The following SETD5 variants were observed in gnomAD, a reference collection of about 807,000 sequenced individuals.
SETD5 encodes histone-lysine N-methyltransferase SETD5.
SETD5 carries 44 observed loss-of-function variants against 153.3 expected under a neutral mutation model. The observed-to-expected ratio is 0.29, with a 90% CI of 0.23 to 0.37. The LOEUF is 0.37. Ranked by LOEUF, SETD5 falls within the 10% of genes least tolerant of loss-of-function variation. The probability of loss-of-function intolerance (pLI) is 1.00; values close to 1 mark genes in which losing one functional copy is unlikely to be tolerated. For synonymous variants in SETD5, 716 were observed against 645.2 expected (o/e 1.11, Z -1.66); for missense variants, 1,544 against 1,768.0 (o/e 0.87, Z 2.27).
At chr3:9,473,195 A>G (rs2045514935) in intron 19 of SETD5, 41 bp from the exon 20 acceptor site, 2 of 1,587,234 alleles carry the variant, frequency 1.3e-6, no homozygotes, top group Non-Finnish European at 8.6e-7. Context: ...TGATATCCAG[A>G]TAGAGTACCG....
intron 17 of SETD5, among the ~76,000 whole-genome samples, chr3:9,457,149 ATTCTT>A (rs2043355623): frequency 6.6e-6 from 1 of 152,180 alleles, no homozygotes; most frequent in Admixed American, 6.5e-5. Flanking sequence ...ATGTGGGTCT[ATTCTT>A]AGAAGAGCCT....
chr3:9,426,587 T>A (rs2039284582), intron 2 of SETD5, among the ~76,000 whole-genome samples: 1 of 152,034 alleles, frequency 6.6e-6, no homozygotes, highest in South Asian at 2.1e-4. Flanking sequence ...GAGAAGGGGT[T>A]TCACCACATT....
intron 9 of SETD5, 97 bp downstream of exon 9, chr3:9,441,838 GA>G (rs1030813250): frequency 6.8e-7 from 1 of 1,470,302 alleles, no homozygotes; most frequent in Non-Finnish European, 9.4e-7. Context: ...GCTCTTGGGA[GA>G]AAAAAATCAC....
chr3:9,430,133 A>G (rs1235089366), intron 3 of SETD5: 5 of 1,019,330 alleles, frequency 4.9e-6, no homozygotes, highest in Non-Finnish European at 5.9e-6. Flanking sequence ...AAAGCAAAGC[A>G]ACTGTACCAG....
intron 19 of SETD5, among the ~76,000 whole-genome samples, chr3:9,471,370 T>C (rs1054252464): frequency 1.3e-5 from 2 of 152,182 alleles, no homozygotes; most frequent in African/African-American, 4.8e-5. Flanking sequence ...CTACCCAGTT[T>C]GAGAGAGAAG....
intron 17 of SETD5, among the ~76,000 whole-genome samples, chr3:9,456,402 G>A (rs1021579221): frequency 6.6e-6 from 1 of 151,160 alleles, no homozygotes; most frequent in African/African-American, 2.4e-5. Context: ...TGAACCTGGA[G>A]GTGGAGGTTG....
At chr3:9,417,189 A>G (rs767031063) in intron 1 of SETD5, among the ~76,000 whole-genome samples, 2 of 152,174 alleles carry the variant, frequency 1.3e-5, no homozygotes, top group Non-Finnish European at 2.9e-5. Context: ...GAGGGTTCAC[A>G]CCCCAGAGGT....
rs1329909134 is a variant in SETD5 at position 9,434,374 on chromosome 3, C to T, written c.218C>T (p.Pro73Leu). Residue 73 changes from proline (P) to leucine (L), a missense_variant, in exon 5 of 23, where the codon CCT becomes CTT. Physicochemically the swap from Pro to Leu is moderately conservative, Grantham distance 98. Around this residue, in one of 9 missense-constraint regions of SETD5, gnomAD observed 251 missense variants for 326.9 expected, o/e 0.77. Coordinates refer to ENST00000402198, the MANE Select transcript of SETD5 (RefSeq NM_001080517.3). The surrounding 1 kb of genome is among the most constrained non-coding windows in gnomAD (Gnocchi z 5.6). ...TCTGACCTGAATGGCCTGCCGTCGC[C>T]TGTAGAGGAACGCTGTGGAGACAGC... is the stretch of plus-strand genomic sequence containing the variant. ...PRSDLNGLPS[P>L]VEERCGDSPN... 6.2e-7 allele frequency: 1 copy of T among 1,613,964 alleles called. No individual in the cohort carries two copies. Among genetic ancestry groups the T allele is most frequent in the Non-Finnish European group, 8.5e-7 (1 of 1,179,880 alleles).
chr3:9,443,343 G>T lies in SETD5; in HGVS notation c.1113G>T (p.Leu371=). The T allele has an allele frequency of 6.5e-7, 1 of 1,546,186 alleles. No homozygotes were observed. Among genetic ancestry groups the T allele is most frequent in the South Asian group, 1.2e-5 (1 of 80,890 alleles). ...TGATTGCAGATGGGATGATTCACCTGTGCATCTATGCTGTGTCTGCCATCA... is the reference window on the plus strand; with the variant it reads ...TGATTGCAGATGGGATGATTCACCTTTGCATCTATGCTGTGTCTGCCATCA... ...RHMIADGMIH[L]CIYAVSAITK... Residue 371 remains leucine, a synonymous_variant, in exon 11 of 23, where the codon CTG becomes CTT. Transcript: ENST00000402198.
intron 15 of SETD5, 37 bp from the exon 16 acceptor site, chr3:9,448,351 C>T (rs1197780909): frequency 6.2e-7 from 1 of 1,605,492 alleles, no homozygotes; most frequent in Non-Finnish European, 8.5e-7. Flanking sequence ...ACTGCTACCT[C>T]TTGATTTATA....
intron 19 of SETD5, 42 bp from the exon 20 acceptor site, chr3:9,473,194 G>T (rs781712048): frequency 6.3e-7 from 1 of 1,585,782 alleles, no homozygotes; most frequent in East Asian, 2.2e-5. Context: ...ATGATATCCA[G>T]ATAGAGTACC....
intron 1 of SETD5, among the ~76,000 whole-genome samples, chr3:9,413,648 GGGTGT>G (rs1324013586): frequency 8.4e-6 from 1 of 119,132 alleles, no homozygotes; most frequent in Non-Finnish European, 1.8e-5. Context: ...GGGGGAGGCG[GGGTGT>G]GTGTGTGTGT....
intron 22 of SETD5, 31 bp downstream of exon 22, chr3:9,475,187 T>C (rs1243876436): frequency 1.9e-6 from 3 of 1,549,514 alleles, no homozygotes; most frequent in Middle Eastern, 1.7e-4. Context: ...TCTCTAGCCA[T>C]AGGAGTGTGT....
intron 3 of SETD5, chr3:9,431,991 C>A (rs929625930): frequency 6.5e-6 from 1 of 153,358 alleles, no homozygotes; most frequent in African/African-American, 2.4e-5. Flanking sequence ...TTATTACTTT[C>A]TTTTAACTGT....
At chr3:9,418,787 G>C (rs1347428546) in intron 1 of SETD5, among the ~76,000 whole-genome samples, 1 of 147,830 alleles carries the variant, frequency 6.8e-6, no homozygotes, top group African/African-American at 2.5e-5. Flanking sequence ...TGAGCAACAA[G>C]AGCGAAACTC....
chr3:9,415,625 G>GGCT (rs1181321805), intron 1 of SETD5, among the ~76,000 whole-genome samples: 8 of 152,088 alleles, frequency 5.3e-5, no homozygotes, highest in African/African-American at 1.9e-4. Flanking sequence ...TTGTCACCCA[G>GGCT]GCTGGAGTGC....
Position 9,435,974 on chromosome 3 carries a change from A to G in SETD5, c.567+68A>G, listed in dbSNP as rs532003779. On this transcript the variant is annotated intron_variant, in intron 7 of 22. Coordinates refer to ENST00000402198, the MANE Select transcript of SETD5 (RefSeq NM_001080517.3). ...AGCTTAAATTTTGGAGCAAGAATGC[A>G]CCAAAATTCTTTTAAGAAGTTTGAT... 58 of 1,402,192 alleles carry G rather than the reference A, an allele frequency of 4.1e-5. No individual in the cohort carries two copies. The South Asian group carries it at 4.9e-4, about 12-fold the overall frequency. 86.9% of individuals were successfully genotyped at this position (1,402,192 alleles called of 1,614,324 possible).
At position 9,406,371 on chromosome 3, in the gene SETD5, A is replaced by G. The variant is rs755726285; in HGVS notation, c.-177+8394A>G. Among the ~76,000 whole-genome samples, 20 of 152,354 alleles carry G rather than the reference A, an allele frequency of 1.3e-4. 1 individual carries two copies. In the South Asian group the frequency reaches 1.4e-3, roughly 11 times the overall value. ...ATAAATTTTTATTTTCTCAATTTCT[A>G]TGGTACAAACTACTATGCCCATGGA... On this transcript the variant is annotated intron_variant, in intron 1 of 22. Coordinates refer to ENST00000402198, the MANE Select transcript of SETD5 (RefSeq NM_001080517.3).
At chr3:9,437,918 G>T (rs1034442891) in intron 7 of SETD5, among the ~76,000 whole-genome samples, 2 of 151,436 alleles carry the variant, frequency 1.3e-5, no homozygotes, top group African/African-American at 4.9e-5. Context: ...CAGGAGAATC[G>T]CTTGAACCCA....
Sources: gnomAD v4.1 joint callset for allele counts (sites outside exome capture counted in the v4.1 genomes callset) on GRCh38, gnomAD v4.1.1 for gene constraint, gnomAD v4.1.1 regional missense constraint, Gnocchi (gnomAD v3.1) non-coding constraint, MANE v1.5 for transcripts, NCBI Gene and HGNC (gene_info 2026-07-23, HGNC 2026-07-21) for gene names.